Variants in HRH1 observed in about 807,000 individuals in gnomAD.
HRH1 encodes the protein histamine H1 receptor.
A neutral mutation model predicts 10.3 loss-of-function variants in HRH1; 6 were observed. The ratio of observed to expected loss-of-function variants is 0.58; its 90% CI spans 0.32 to 1.15. The LOEUF (loss-of-function observed/expected upper bound fraction) is 1.15, where lower values mean the gene tolerates loss of function less well. Ranked by LOEUF, HRH1 falls within the 50% of genes most tolerant of loss-of-function variation. The pLI, the probability that HRH1 is intolerant of heterozygous loss-of-function variation, is 0.05. For synonymous variants in HRH1, 242 were observed against 236.7 expected (o/e 1.02, Z -0.21); for missense variants, 514 against 615.3 (o/e 0.84, Z 1.74).
chr3:11,212,949 T>C (rs1559273335), intron 1 of HRH1, among the ~76,000 whole-genome samples: 1 of 152,166 alleles, frequency 6.6e-6, no homozygotes, highest in East Asian at 1.9e-4. Context: ...GGCCTTTGCA[T>C]AGGCTGTTCC....
chr3:11,199,352 C>T (rs1235626351), intron 1 of HRH1, among the ~76,000 whole-genome samples: 2 of 152,178 alleles, frequency 1.3e-5, no homozygotes, highest in Admixed American at 1.3e-4. Flanking sequence ...CTGCCAGTCC[C>T]GGGAGCTGCC....
At position 11,236,468 on chromosome 3, in the gene HRH1, A is replaced by C. The variant is rs189317477; in HGVS notation, c.-35-22535A>C. Among the ~76,000 whole-genome samples, 134 of 152,332 alleles carry C rather than the reference A, an allele frequency of 8.8e-4. 2 individuals carry two copies. The East Asian group carries it at 0.021, about 24-fold the overall frequency. ...CAAAACAAAGCTCTCAGGCAGGCAG[A>C]GTTGAGAATTACTGGTATAGGCTGG... On this transcript the variant is annotated intron_variant, in intron 1 of 1. Coordinates refer to ENST00000431010, the MANE Select transcript of HRH1 (RefSeq NM_001098212.2).
rs1261856846 is a variant in HRH1 at position 11,261,590 on chromosome 3, A to G, written c.*1089A>G. 6.0e-6 allele frequency: 1 copy of G among 167,080 alleles called. No individual in the cohort carries two copies. The highest frequency in any genetic ancestry group is 1.9e-4 in the East Asian group (1 of 5,188). 10.3% of individuals were successfully genotyped at this position (167,080 alleles called of 1,614,324 possible). On this transcript the variant is annotated 3_prime_UTR_variant, in exon 2 of 2. Coordinates refer to ENST00000431010, the MANE Select transcript of HRH1 (RefSeq NM_001098212.2). ...GGTAGCTCAAGCCTATAATCCCAGC[A>G]TGTTGAGAGGCTGAGGTGGGCAGAT... is the stretch of plus-strand genomic sequence containing the variant.
chr3:11,228,236 A>G (rs1938947263), intron 1 of HRH1, among the ~76,000 whole-genome samples: 2 of 152,220 alleles, frequency 1.3e-5, no homozygotes, highest in Admixed American at 1.3e-4. Context: ...TTAAAAATCC[A>G]GGCCAGGCAC....
intron 1 of HRH1, among the ~76,000 whole-genome samples, chr3:11,138,328 AG>A (rs745812225): frequency 3.9e-4 from 60 of 152,070 alleles, no homozygotes; most frequent in Non-Finnish European, 7.2e-4. Flanking sequence ...AGCCTAAACA[AG>A]GAACTCTTAC....
chr3:11,137,635 G>T (rs2124989600), intron 1 of HRH1, among the ~76,000 whole-genome samples: 1 of 152,260 alleles, frequency 6.6e-6, no homozygotes, highest in East Asian at 1.9e-4. Flanking sequence ...TTGGATGGTG[G>T]AGTGATGGGG....
chr3:11,198,586 C>T (rs768820976), intron 1 of HRH1, among the ~76,000 whole-genome samples: 4 of 151,922 alleles, frequency 2.6e-5, no homozygotes, highest in Non-Finnish European at 4.4e-5. Context: ...AAATGCCTGA[C>T]AGAGACTGGG....
At chr3:11,167,997 G>A (rs1937080258) in intron 1 of HRH1, among the ~76,000 whole-genome samples, 1 of 152,196 alleles carries the variant, frequency 6.6e-6, no homozygotes, top group Admixed American at 6.5e-5. Context: ...TGCAGGAGAG[G>A]AACCAAGGTG....
At position 11,196,703 on chromosome 3, in the gene HRH1, A is replaced by G. The variant is rs73022450; in HGVS notation, c.-36+42149A>G. Among the ~76,000 whole-genome samples the G allele has an allele frequency of 3.4e-3, 520 of 152,194 alleles. 4 individuals are homozygous for G. The highest frequency in any genetic ancestry group is 6.8e-3 in the Middle Eastern group (2 of 294). ...AATATTTGAGAAGCTGCCCTTTTGG[A>G]AACTGTGTATGATGCTGTCACAGGG... On this transcript the variant is annotated intron_variant, in intron 1 of 1. Coordinates refer to ENST00000431010, the MANE Select transcript of HRH1 (RefSeq NM_001098212.2).
At chr3:11,236,095 T>C (rs1359392830) in intron 1 of HRH1, among the ~76,000 whole-genome samples, 2 of 152,238 alleles carry the variant, frequency 1.3e-5, no homozygotes, top group Admixed American at 1.3e-4. Flanking sequence ...TTAGTTGTAC[T>C]AAGCAGAATA....
intron 1 of HRH1, among the ~76,000 whole-genome samples, chr3:11,248,742 A>G (rs1939556326): frequency 6.6e-6 from 1 of 152,230 alleles, no homozygotes; most frequent in African/African-American, 2.4e-5. Flanking sequence ...TGCAGGCTGG[A>G]TGGCCCTCAA....
chr3:11,229,279 A>T (rs1383297805), intron 1 of HRH1, among the ~76,000 whole-genome samples: 2 of 152,196 alleles, frequency 1.3e-5, no homozygotes. Flanking sequence ...TGGAGAAGAG[A>T]ATACTGTGTG....
In HRH1 at chr3:11,259,831, A is replaced by C. The variant is rs1276807525; in HGVS notation, c.794A>C (p.Lys265Thr). 1 of 1,613,818 alleles carries C rather than the reference A, an allele frequency of 6.2e-7. No individual in the cohort carries two copies. Among genetic ancestry groups the C allele is most frequent in the Non-Finnish European group, 8.5e-7 (1 of 1,179,960 alleles). Residue 265 changes from lysine to threonine, a missense_variant, in exon 2 of 2, where the codon AAA (lysine) becomes ACA (threonine). Physicochemically the swap from Lys to Thr is moderately conservative, Grantham distance 78. Transcript: ENST00000431010. This position sits in a 1 kb window ranked among gnomAD's most constrained non-coding sequence, Gnocchi z 4.6. Reference sequence around the variant, plus strand: ...TGGGAGGTTCTGAAAAGGAAGCCAAAAGATGCTGGTGGTGGATCTGTCTTG... The same window carrying C: ...TGGGAGGTTCTGAAAAGGAAGCCAACAGATGCTGGTGGTGGATCTGTCTTG... ...SPWEVLKRKP[K>T]DAGGGSVLKS...
chr3:11,211,735 A>G (rs1472033725), intron 1 of HRH1, among the ~76,000 whole-genome samples: 1 of 152,222 alleles, frequency 6.6e-6, no homozygotes, highest in Non-Finnish European at 1.5e-5. Context: ...TGATTTGGCC[A>G]GGAGCATTCT....
At chr3:11,177,527 C>G (rs1340204878) in intron 1 of HRH1, among the ~76,000 whole-genome samples, 4 of 152,314 alleles carry the variant, frequency 2.6e-5, no homozygotes, top group South Asian at 4.1e-4. Context: ...GGAGTGTCCT[C>G]CACTCTGGGC....
At chr3:11,250,994 C>T (rs1939636290) in intron 1 of HRH1, among the ~76,000 whole-genome samples, 1 of 152,208 alleles carries the variant, frequency 6.6e-6, no homozygotes, top group Non-Finnish European at 1.5e-5. Context: ...GACAATACCT[C>T]TCGCATGAAG....
intron 1 of HRH1, among the ~76,000 whole-genome samples, chr3:11,156,687 G>C (rs1349215780): frequency 1.3e-5 from 2 of 152,128 alleles, no homozygotes; most frequent in Non-Finnish European, 1.5e-5. Flanking sequence ...CTTCTTCACT[G>C]CGTTGGTAAG....
chr3:11,190,427 G>GGCTGGAGT (rs1937516807), intron 1 of HRH1, among the ~76,000 whole-genome samples: 1 of 151,774 alleles, frequency 6.6e-6, no homozygotes, highest in Non-Finnish European at 1.5e-5. Flanking sequence ...CTGTCACCCA[G>GGCTGGAGT]GCTGGAGTGC....
chr3:11,218,447 C>CAAAAAAA (rs1026039560), intron 1 of HRH1, among the ~76,000 whole-genome samples: 1 of 53,974 alleles, frequency 1.9e-5, no homozygotes, highest in African/African-American at 7.0e-5. Context: ...GACTCCATCT[C>CAAAAAAA]AAAAAAAAAA....
Sources: allele counts gnomAD v4.1 joint callset (sites outside exome capture counted in the v4.1 genomes callset), GRCh38; gene constraint gnomAD v4.1.1; non-coding constraint Gnocchi (gnomAD v3.1); transcripts MANE v1.5; gene names NCBI Gene and HGNC (gene_info 2026-07-23, HGNC 2026-07-21).